The following PHLPP1 variants were observed in gnomAD, a reference collection of about 807,000 sequenced individuals.
PHLPP1 encodes PH domain and leucine rich repeat protein phosphatase 1.
Under a neutral mutation model 117.2 loss-of-function variants are expected in PHLPP1, and 42 were observed. That is an observed-to-expected ratio of 0.36 (90% confidence interval 0.28 to 0.46). The LOEUF is 0.46. Ranked by LOEUF, PHLPP1 falls within the 20% of genes least tolerant of loss-of-function variation. The probability of loss-of-function intolerance (pLI) is 1.00; values close to 1 mark genes in which losing one functional copy is unlikely to be tolerated. For missense variants in PHLPP1, 2,084 were observed against 2,241.9 expected (o/e 0.93, Z 1.42); for synonymous variants, 1,042 against 970.7 (o/e 1.07, Z -1.37).
intron 4 of PHLPP1, among the ~76,000 whole-genome samples, chr18:62,881,776 G>C (rs1916179688): frequency 6.6e-6 from 1 of 152,192 alleles, no homozygotes; most frequent in Non-Finnish European, 1.5e-5. Flanking sequence ...CATTTTAGAA[G>C]TCATATAGGG....
At chr18:62,764,216 A>G (rs1346846928) in intron 1 of PHLPP1, among the ~76,000 whole-genome samples, 2 of 151,926 alleles carry the variant, frequency 1.3e-5, no homozygotes, top group South Asian at 4.2e-4. Flanking sequence ...AAACAAACAA[A>G]CAAACAAAAC....
At chr18:62,727,194 C>T (rs753697462) in intron 1 of PHLPP1, among the ~76,000 whole-genome samples, 1 of 148,258 alleles carries the variant, frequency 6.7e-6, no homozygotes, top group Non-Finnish European at 1.5e-5. Context: ...AGCCATTGCA[C>T]TCCAGCCTGG....
chr18:62,966,254 A>G (rs1325679607), intron 14 of PHLPP1, among the ~76,000 whole-genome samples: 1 of 152,182 alleles, frequency 6.6e-6, no homozygotes, highest in African/African-American at 2.4e-5. Context: ...AGTGTTAACT[A>G]CTAATATTAT....
intron 1 of PHLPP1, among the ~76,000 whole-genome samples, chr18:62,755,452 C>T (rs1454401596): frequency 6.6e-6 from 1 of 152,172 alleles, no homozygotes; most frequent in Non-Finnish European, 1.5e-5. Context: ...AAATCCTAAA[C>T]TCCAAGGTGA....
rs148819420 is a variant in PHLPP1, at chr18:62,776,071, A to T, written c.1577-53964A>T. On this transcript the variant is annotated intron_variant, in intron 1 of 16. Coordinates refer to ENST00000262719, the MANE Select transcript of PHLPP1 (RefSeq NM_194449.4). ...ATATATCTATAAAGAGATTTAAAAAAATATATATATAAAGAAGTTTATTTT... is the reference window on the plus strand; with the variant it reads ...ATATATCTATAAAGAGATTTAAAAATATATATATATAAAGAAGTTTATTTT... 2.8e-3 allele frequency among the ~76,000 whole-genome samples: 424 copies of T among 152,110 alleles called. 4 individuals carry two copies. Among genetic ancestry groups the T allele is most frequent in the Middle Eastern group, 0.02 (6 of 294 alleles).
intron 4 of PHLPP1, among the ~76,000 whole-genome samples, chr18:62,889,122 A>G (rs555798763): frequency 6.6e-6 from 1 of 152,326 alleles, no homozygotes; most frequent in Admixed American, 6.5e-5. Flanking sequence ...ATGTTGGTTG[A>G]TACGTTCAGA....
chr18:62,948,568 T>C (rs1325129971), intron 12 of PHLPP1, among the ~76,000 whole-genome samples: 4 of 152,150 alleles, frequency 2.6e-5, no homozygotes, highest in Non-Finnish European at 5.9e-5. Context: ...TTTGGTTGAT[T>C]TTCCCCCCAG....
chr18:62,961,675 G>T (rs1910773450), intron 13 of PHLPP1, among the ~76,000 whole-genome samples: 1 of 152,094 alleles, frequency 6.6e-6, no homozygotes, highest in Non-Finnish European at 1.5e-5. Flanking sequence ...AATAATGGAG[G>T]ACTGTCCTTT....
chr18:62,723,650 A>G (rs964962860), intron 1 of PHLPP1, among the ~76,000 whole-genome samples: 2 of 152,196 alleles, frequency 1.3e-5, no homozygotes, highest in Non-Finnish European at 2.9e-5. Flanking sequence ...TTTTAAATAC[A>G]GCAAGAGCTT....
intron 1 of PHLPP1, among the ~76,000 whole-genome samples, chr18:62,777,326 T>A (rs1912989761): frequency 6.6e-6 from 1 of 152,186 alleles, no homozygotes; most frequent in Non-Finnish European, 1.5e-5. Context: ...CATGTGCCAT[T>A]CAGATATCTT....
intron 1 of PHLPP1, chr18:62,826,124 G>C (rs1015185263): frequency 2.5e-5 from 6 of 237,712 alleles, no homozygotes; most frequent in African/African-American, 1.4e-4. Flanking sequence ...ACAGTTATCT[G>C]ACAAATCTGA....
intron 3 of PHLPP1, among the ~76,000 whole-genome samples, chr18:62,852,587 C>T (rs1174200209): frequency 1.3e-5 from 2 of 152,206 alleles, no homozygotes; most frequent in African/African-American, 4.8e-5. Context: ...TCATGATCCG[C>T]CCGCCTCGGC....
intron 3 of PHLPP1, among the ~76,000 whole-genome samples, chr18:62,840,550 G>A (rs977843222): frequency 1.3e-5 from 2 of 152,094 alleles, no homozygotes; most frequent in African/African-American, 4.8e-5. Flanking sequence ...TTGTGCTTTT[G>A]TATGTATTTA....
intron 1 of PHLPP1, among the ~76,000 whole-genome samples, chr18:62,720,781 C>A (rs1910891191): frequency 2.6e-5 from 4 of 151,976 alleles, no homozygotes; most frequent in Admixed American, 2.6e-4. Flanking sequence ...GTACATGCCA[C>A]CCTTCACTAC....
At chr18:62,780,155 C>T (rs546638406) in intron 1 of PHLPP1, among the ~76,000 whole-genome samples, 141 of 152,238 alleles carry the variant, frequency 9.3e-4, no homozygotes, top group African/African-American at 3.2e-3. Context: ...GTTACCATTA[C>T]GCTTTTCAAG....
chr18:62,716,440 G>C lies in PHLPP1; in HGVS notation c.757G>C (p.Gly253Arg). 7.6e-7 allele frequency: 1 copy of C among 1,322,092 alleles called. No individual in the cohort carries two copies. Among genetic ancestry groups the C allele is most frequent in the Non-Finnish European group, 9.6e-7 (1 of 1,039,314 alleles). 81.9% of individuals were successfully genotyped at this position (1,322,092 alleles called of 1,614,324 possible). ...GVVKVLGQGPGAAAAREPAEP... is the reference protein window; with the variant it reads ...GVVKVLGQGPRAAAAREPAEP... ...GGTGAAGGTGCTGGGCCAGGGGCCC[G>C]GAGCCGCCGCCGCCCGGGAGCCCGC... Residue 253 changes from glycine (G) to arginine (R), a missense_variant, in exon 1 of 17, where the codon GGA (glycine) becomes CGA (arginine). Physicochemically the swap from Gly to Arg is moderately radical, Grantham distance 125. Transcript: ENST00000262719. The surrounding 1 kb of genome is among the most constrained non-coding windows in gnomAD (Gnocchi z 5.7).
At chr18:62,786,660 C>T (rs557635774) in intron 1 of PHLPP1, among the ~76,000 whole-genome samples, 1 of 152,148 alleles carries the variant, frequency 6.6e-6, no homozygotes, top group African/African-American at 2.4e-5. Flanking sequence ...AATAAAAAAT[C>T]ATTGACTTTT....
At chr18:62,768,029 A>G (rs532265422) in intron 1 of PHLPP1, among the ~76,000 whole-genome samples, 38 of 152,320 alleles carry the variant, frequency 2.5e-4, no homozygotes, top group African/African-American at 8.4e-4. Context: ...CTAGGAGAGG[A>G]TGAGAATCCA....
chr18:62,742,156 A>G (rs1911547853), intron 1 of PHLPP1, among the ~76,000 whole-genome samples: 1 of 152,206 alleles, frequency 6.6e-6, no homozygotes, highest in Non-Finnish European at 1.5e-5. Flanking sequence ...TGCCATGACT[A>G]TCATTTCCTA....
Sources: allele counts gnomAD v4.1 joint callset (sites outside exome capture counted in the v4.1 genomes callset), GRCh38; gene constraint gnomAD v4.1.1; non-coding constraint Gnocchi (gnomAD v3.1); transcripts MANE v1.5; gene names NCBI Gene and HGNC (gene_info 2026-07-23, HGNC 2026-07-21).